ABCA13: variants seen among roughly 807,000 people sequenced by gnomAD.
ABCA13 encodes the protein ATP binding cassette subfamily A member 13, also known as ATP-binding cassette sub-family A member 13.
A neutral mutation model predicts 478.7 loss-of-function variants in ABCA13; 476 were observed. That is an observed-to-expected ratio of 0.99 (90% confidence interval 0.92 to 1.07). The LOEUF is 1.07. Ranked by LOEUF, ABCA13 falls within the 50% of genes least tolerant of loss-of-function variation. The pLI is 0.00. For missense variants in ABCA13, 6,060 were observed against 5,910.6 expected (o/e 1.03, Z -0.83); for synonymous variants, 2,252 against 2,158.9 (o/e 1.04, Z -1.20).
At chr7:48,382,986 T>C (rs182352187) in intron 35 of ABCA13, among the ~76,000 whole-genome samples, 1 of 152,282 alleles carries the variant, frequency 6.6e-6, no homozygotes, top group Non-Finnish European at 1.5e-5. Flanking sequence ...CCTTTGTCAC[T>C]GTGCTGAGGC....
chr7:48,301,467 A>G (rs970733108), intron 23 of ABCA13, among the ~76,000 whole-genome samples: 13 of 151,576 alleles, frequency 8.6e-5, no homozygotes, highest in Non-Finnish European at 1.9e-4. Flanking sequence ...GCTCCAACAG[A>G]TAGTTCTTGG....
intron 27 of ABCA13, among the ~76,000 whole-genome samples, chr7:48,333,787 G>T (rs1417321213): frequency 2.6e-5 from 4 of 152,172 alleles, no homozygotes; most frequent in Non-Finnish European, 5.9e-5. Context: ...AGAAGAAGGG[G>T]ACTTCTTAGG....
chr7:48,543,987 A>G (rs1784585479), intron 55 of ABCA13, among the ~76,000 whole-genome samples: 2 of 151,906 alleles, frequency 1.3e-5, no homozygotes, highest in South Asian at 2.1e-4. Flanking sequence ...AAATGAAAAT[A>G]TATTTATTCT....
At chr7:48,338,518 T>C (rs1806630150) in intron 29 of ABCA13, 63 bp downstream of exon 29, 3 of 1,342,790 alleles carry the variant, frequency 2.2e-6, no homozygotes, top group Non-Finnish European at 3.1e-6. Flanking sequence ...CTTGGGTGGG[T>C]CCTCCCCCTT....
intron 41 of ABCA13, among the ~76,000 whole-genome samples, chr7:48,412,916 AGT>A (rs1051594393): frequency 6.6e-6 from 1 of 151,318 alleles, no homozygotes; most frequent in Non-Finnish European, 1.5e-5. Context: ...GGTTCACGCC[AGT>A]CTCCTGCCTC....
intron 59 of ABCA13, among the ~76,000 whole-genome samples, chr7:48,629,568 A>G (rs1448948708): frequency 2.7e-5 from 2 of 74,964 alleles, no homozygotes; most frequent in African/African-American, 1.1e-4. Flanking sequence ...CATCAGTTAC[A>G]TTTTGGCAAA....
chr7:48,538,456 G>A (rs1396611902), intron 55 of ABCA13, among the ~76,000 whole-genome samples: 3 of 151,836 alleles, frequency 2.0e-5, no homozygotes, highest in Admixed American at 1.3e-4. Flanking sequence ...CTTTTTTGAA[G>A]TTTAATTTAC....
intron 43 of ABCA13, among the ~76,000 whole-genome samples, chr7:48,456,252 C>T (rs909239296): frequency 1.3e-5 from 2 of 152,166 alleles, no homozygotes; most frequent in African/African-American, 2.4e-5. Flanking sequence ...GCAGCTTAAC[C>T]AGCTAATCTC....
In ABCA13 at chr7:48,225,101, A is replaced by ATGCG. The variant is rs1186172210; in HGVS notation, c.469-2153_469-2150dup. On this transcript the variant is annotated intron_variant, in intron 5 of 61. Transcript: ENST00000435803. ...ACTGGGATTATAGGCGTTAATCACC[A>ATGCG]TGCGTGCGTGCCTGCCTGCCTGCCT... 4.9e-3 allele frequency among the ~76,000 whole-genome samples: 653 copies of ATGCG among 132,834 alleles called. 6 individuals carry two copies. Among genetic ancestry groups the ATGCG allele is most frequent in the African/African-American group, 0.018 (597 of 32,590 alleles). 87.1% of individuals were successfully genotyped at this position (132,834 alleles called of 152,430 possible).
rs1478535734 is a variant in ABCA13 at position 48,517,871 on chromosome 7, T to G, written c.13797+990T>G. ...CTGGAAAAGGTACTGAGCTCCTAGTTTTGAAGCATGTGCTGCAGTTCTCAT... is the reference window on the plus strand; with the variant it reads ...CTGGAAAAGGTACTGAGCTCCTAGTGTTGAAGCATGTGCTGCAGTTCTCAT... On this transcript the variant is annotated intron_variant, in intron 52 of 61. Transcript: ENST00000435803. 4.6e-5 allele frequency among the ~76,000 whole-genome samples: 7 copies of G among 152,166 alleles called. No homozygotes were observed. The East Asian group carries it at 1.4e-3, about 29-fold the overall frequency.
chr7:48,415,852 A>T (rs1819905448), intron 41 of ABCA13, among the ~76,000 whole-genome samples: 1 of 152,226 alleles, frequency 6.6e-6, no homozygotes, highest in South Asian at 2.1e-4. Flanking sequence ...GGTAAAACAT[A>T]CATTTAGGGA....
intron 58 of ABCA13, among the ~76,000 whole-genome samples, chr7:48,606,779 A>G (rs1239148030): frequency 6.6e-6 from 1 of 152,184 alleles, no homozygotes; most frequent in Non-Finnish European, 1.5e-5. Context: ...GAGCTGTCAG[A>G]CAGGGACGTT....
intron 58 of ABCA13, among the ~76,000 whole-genome samples, chr7:48,609,102 C>A (rs753863460): frequency 6.6e-6 from 1 of 152,124 alleles, no homozygotes; most frequent in Non-Finnish European, 1.5e-5. Flanking sequence ...TAGAAACTCT[C>A]TACATTCTTG....
chr7:48,255,261 C>T (rs1793207005), intron 15 of ABCA13, among the ~76,000 whole-genome samples: 2 of 152,108 alleles, frequency 1.3e-5, no homozygotes, highest in South Asian at 2.1e-4. Context: ...TGAATGCTGA[C>T]GTCAGACTAA....
In ABCA13 at chr7:48,637,495, G is replaced by A. The variant is rs141722263; in HGVS notation, c.14838-5793G>A. Among the ~76,000 whole-genome samples, 439 of 151,282 alleles carry A rather than the reference G, an allele frequency of 2.9e-3. 3 individuals are homozygous for A. The highest frequency in any genetic ancestry group is 9.9e-3 in the African/African-American group (406 of 41,168). On this transcript the variant is annotated intron_variant, in intron 59 of 61. Transcript: ENST00000435803. ...GTGACTGGTGTGAGAATAGCTTGGTGGCTAAGGACAGAAAAAAAAATCTTT... is the reference window on the plus strand; with the variant it reads ...GTGACTGGTGTGAGAATAGCTTGGTAGCTAAGGACAGAAAAAAAAATCTTT...
intron 31 of ABCA13, among the ~76,000 whole-genome samples, chr7:48,360,293 G>T (rs1810623902): frequency 6.6e-6 from 1 of 151,134 alleles, no homozygotes; most frequent in African/African-American, 2.4e-5. Context: ...GGAGTGTTTG[G>T]TTTTCTGTCC....
In ABCA13 at chr7:48,272,689, G is replaced by A. The variant is rs1429780384; in HGVS notation, c.3023G>A (p.Ser1008Asn). The change falls in exon 17 of 62, where the codon AGT becomes AAT. Residue 1008 changes from serine (S) to asparagine (N), a missense_variant. Physicochemically the swap from Ser to Asn is conservative, Grantham distance 46 (BLOSUM62 1). Transcript: ENST00000435803. ...IIKQFNFQNI[S>N]KAFAFLFKTA... ...AAACAATTTAATTTCCAAAACATCA[G>A]TAAAGCATTTGCATTTTTATTTAAG... is the stretch of plus-strand genomic sequence containing the variant. 6.2e-7 allele frequency: 1 copy of A among 1,612,232 alleles called. No individual in the cohort carries two copies. The highest frequency in any genetic ancestry group is 1.3e-5 in the African/African-American group (1 of 74,872).
intron 55 of ABCA13, among the ~76,000 whole-genome samples, chr7:48,548,949 G>A (rs925508864): frequency 1.3e-5 from 2 of 151,656 alleles, no homozygotes; most frequent in Non-Finnish European, 2.9e-5. Flanking sequence ...ATTGAAACTT[G>A]ACTACATCTC....
At chr7:48,204,503 G>T (rs555252473) in intron 3 of ABCA13, among the ~76,000 whole-genome samples, 14 of 152,200 alleles carry the variant, frequency 9.2e-5, no homozygotes, top group African/African-American at 3.1e-4. Context: ...GAGCCACCGC[G>T]CCCGGCCTAT....
Sources: gnomAD v4.1 joint callset for allele counts (sites outside exome capture counted in the v4.1 genomes callset) on GRCh38, gnomAD v4.1.1 for gene constraint, MANE v1.5 for transcripts, NCBI Gene and HGNC (gene_info 2026-07-23, HGNC 2026-07-21) for gene names.